The following PIP4K2C variants were observed in gnomAD, a reference collection of about 807,000 sequenced individuals.
PIP4K2C encodes phosphatidylinositol-5-phosphate 4-kinase type 2 gamma, also known as phosphatidylinositol 5-phosphate 4-kinase type-2 gamma.
Under a neutral mutation model 45.0 loss-of-function variants are expected in PIP4K2C, and 21 were observed. The observed-to-expected ratio is 0.47, with a 90% CI of 0.33 to 0.67. The LOEUF (loss-of-function observed/expected upper bound fraction) is 0.67, where lower values mean the gene tolerates loss of function less well. Ranked by LOEUF, PIP4K2C falls within the 30% of genes least tolerant of loss-of-function variation. PIP4K2C has a pLI of 0.02. For missense variants in PIP4K2C, 456 were observed against 542.8 expected, an observed-to-expected ratio of 0.84 and a Z score of 1.59; for synonymous variants, 201 against 204.8, an observed-to-expected ratio of 0.98 and a Z score of 0.16.
Position 57,595,885 on chromosome 12 carries a change from C to T in PIP4K2C, c.370-3C>T, listed in dbSNP as rs1438431436. On this transcript the variant is annotated splice_polypyrimidine_tract_variant and splice_region_variant and intron_variant, in intron 3 of 9. Coordinates refer to ENST00000354947, the MANE Select transcript of PIP4K2C (RefSeq NM_024779.5). ...AGAGCTCTGGCCTATTCTGTGTCCC[C>T]AGGTGTCCCTTACCCGAAACCCCCC... 3 of 1,613,906 alleles carry T rather than the reference C, an allele frequency of 1.9e-6. No individual in the cohort carries two copies. Among genetic ancestry groups the T allele is most frequent in the Non-Finnish European group, 1.7e-6 (2 of 1,179,946 alleles).
intron 4 of PIP4K2C, among the ~76,000 whole-genome samples, chr12:57,596,786 G>A (rs1468649977): frequency 6.6e-6 from 1 of 152,202 alleles, no homozygotes; most frequent in African/African-American, 2.4e-5. Context: ...CACACCGCAA[G>A]ATATATACAA....
In PIP4K2C at chr12:57,601,561, G is replaced by A; in HGVS notation, c.1221G>A (p.Gln407=). The A allele has an allele frequency of 6.2e-7, 1 of 1,613,558 alleles. No individual in the cohort carries two copies. Among genetic ancestry groups the A allele is most frequent in the Non-Finnish European group, 8.5e-7 (1 of 1,179,486 alleles). ...AGATCTCTACTGTCCATCCGGAGCA[G>A]TATGCTAAGCGATTCCTGGATTTTA... ...GAEISTVHPE[Q]YAKRFLDFIT... Residue 407 remains glutamine, a synonymous_variant, in exon 10 of 10, where the codon CAG becomes CAA. Transcript: ENST00000354947.
chr12:57,600,066 AAAAG>A (rs1455480589), intron 6 of PIP4K2C, among the ~76,000 whole-genome samples: 3 of 151,878 alleles, frequency 2.0e-5, no homozygotes, highest in Non-Finnish European at 4.4e-5. Flanking sequence ...AAAAAAAAAA[AAAAG>A]AGGAGAAAGA....
intron 9 of PIP4K2C, 87 bp from the exon 10 acceptor site, chr12:57,601,439 T>A (rs920093672): frequency 1.3e-6 from 2 of 1,527,454 alleles, no homozygotes; most frequent in African/African-American, 2.7e-5. Flanking sequence ...GGCAAAAGAA[T>A]GGAGGTGGTC....
intron 9 of PIP4K2C, 62 bp from the exon 10 acceptor site, chr12:57,601,464 T>C (rs1184421350): frequency 6.5e-7 from 1 of 1,537,646 alleles, no homozygotes; most frequent in African/African-American, 1.4e-5. Flanking sequence ...GTAGATTGGG[T>C]GGGGGTGATG....
Position 57,595,308 on chromosome 12 carries a change from A to T in PIP4K2C, c.369+86A>T. The T allele has an allele frequency of 3.4e-6, 3 of 870,822 alleles. No individual in the cohort carries two copies. The East Asian group carries it at 7.3e-5, about 21-fold the overall frequency. The allele number at this position is 870,822 out of a possible 1,614,324, so 53.9% of individuals were successfully genotyped here. On this transcript the variant is annotated intron_variant, in intron 3 of 9. Coordinates refer to ENST00000354947, the MANE Select transcript of PIP4K2C (RefSeq NM_024779.5). ...TGGGACAGCCATATTTGGAGAAATGAGAGTCTTGGCAAATATAATTCTTTA... is the reference window on the plus strand; with the variant it reads ...TGGGACAGCCATATTTGGAGAAATGTGAGTCTTGGCAAATATAATTCTTTA...
Position 57,595,162 on chromosome 12 carries a change from T to C in PIP4K2C, c.309T>C (p.Tyr103=), listed in dbSNP as rs368614405. The C allele has an allele frequency of 2.5e-6, 4 of 1,612,090 alleles. No individual in the cohort carries two copies. The highest frequency in any genetic ancestry group is 2.7e-5 in the African/African-American group (2 of 74,864). Residue 103 remains tyrosine (Y), a synonymous_variant, in exon 3 of 10, where the codon TAT becomes TAC. Transcript: ENST00000354947. ...CCAGTCATTTCAAGTTCAAGGAGTA[T>C]TGTCCCCAGGTCTTCAGGAACCTCC... ...NLPSHFKFKE[Y]CPQVFRNLRD...
rs370958816 is a variant in PIP4K2C at position 57,594,106 on chromosome 12, A to G, written c.256A>G (p.Asn86Asp). ...GGCCAGCTCCAAGATCAAGGTCAAC[A>G]ATCACCTTTTCCACAGGTAAGTGAT... ...FKASSKIKVNNHLFHRENLPS... is the reference protein window; with the variant it reads ...FKASSKIKVNDHLFHRENLPS... The change falls in exon 2 of 10, where the codon AAT becomes GAT. Residue 86 changes from asparagine (N) to aspartate (D), a missense_variant. Asn to Asp is a conservative substitution (Grantham distance 23). Transcript: ENST00000354947. 3.7e-6 allele frequency: 6 copies of G among 1,613,878 alleles called. No individual in the cohort carries two copies. Among genetic ancestry groups the G allele is most frequent in the Non-Finnish European group, 4.2e-6 (5 of 1,179,866 alleles).
At chr12:57,591,591 C>G (rs1413868729) in intron 1 of PIP4K2C, 128 bp downstream of exon 1, 2 of 1,084,776 alleles carry the variant, frequency 1.8e-6, no homozygotes, top group Non-Finnish European at 2.6e-6. Flanking sequence ...GTCTTGGTCC[C>G]TGCCCACCAA....
intron 7 of PIP4K2C, 91 bp from the exon 8 acceptor site, chr12:57,600,720 A>C: frequency 9.4e-6 from 14 of 1,483,506 alleles, no homozygotes; most frequent in Non-Finnish European, 1.2e-5. Flanking sequence ...TTTCCCCAGA[A>C]GGGCCCCAGA....
chr12:57,594,334 A>G (rs1490676295), intron 2 of PIP4K2C, among the ~76,000 whole-genome samples: 3 of 152,196 alleles, frequency 2.0e-5, no homozygotes, highest in Admixed American at 6.5e-5. Flanking sequence ...TCCATAGAGT[A>G]AATATGTACA....
intron 1 of PIP4K2C, among the ~76,000 whole-genome samples, chr12:57,591,855 C>G (rs1303207888): frequency 6.7e-6 from 1 of 149,184 alleles, no homozygotes; most frequent in African/African-American, 2.5e-5. Context: ...GGTGAGGGGC[C>G]GAGGGGAGTA....
chr12:57,592,472 T>G (rs1195738886), intron 1 of PIP4K2C, among the ~76,000 whole-genome samples: 1 of 152,236 alleles, frequency 6.6e-6, no homozygotes, highest in African/African-American at 2.4e-5. Context: ...AAAGAATTTC[T>G]TAACCAAAAA....
Position 57,595,253 on chromosome 12 carries a change from C to T in PIP4K2C, c.369+31C>T, listed in dbSNP as rs777068556. On this transcript the variant is annotated intron_variant, in intron 3 of 9. Transcript: ENST00000354947. ...AGTCCATTAAGGGGTGAGGGTAGCCCTTTCTCCCCAGCAACTGAGGAGTAC... is the reference window on the plus strand; with the variant it reads ...AGTCCATTAAGGGGTGAGGGTAGCCTTTTCTCCCCAGCAACTGAGGAGTAC... 25 of 1,411,198 alleles carry T rather than the reference C, an allele frequency of 1.8e-5. No homozygotes were observed. The South Asian group carries it at 2.8e-4, about 16-fold the overall frequency. 87.4% of individuals were successfully genotyped at this position (1,411,198 alleles called of 1,614,324 possible).
At chr12:57,601,469 G>A (rs771935685) in intron 9 of PIP4K2C, 57 bp from the exon 10 acceptor site, 4 of 1,549,532 alleles carry the variant, frequency 2.6e-6, no homozygotes, top group African/African-American at 2.7e-5. Context: ...TTGGGTGGGG[G>A]TGATGGGGAC....
chr12:57,593,928 C>CT, intron 1 of PIP4K2C, 97 bp from the exon 2 acceptor site: 1 of 759,610 alleles, frequency 1.3e-6, no homozygotes, highest in African/African-American at 1.7e-5. Context: ...GGAATGAGGT[C>CT]TGAGTGGCCC....
rs201266954 is a variant in PIP4K2C, at chr12:57,595,264, G to C, written c.369+42G>C. On this transcript the variant is annotated intron_variant, in intron 3 of 9. Transcript: ENST00000354947. ...GGGTGAGGGTAGCCCTTTCTCCCCA[G>C]CAACTGAGGAGTACTATTTGGGACA... 7 of 1,237,276 alleles carry C rather than the reference G, an allele frequency of 5.7e-6. No individual in the cohort carries two copies. In the East Asian group the frequency reaches 1.6e-4, roughly 29 times the overall value. 76.6% of individuals were successfully genotyped at this position (1,237,276 alleles called of 1,614,324 possible).
intron 4 of PIP4K2C, among the ~76,000 whole-genome samples, chr12:57,597,286 G>C (rs980426734): frequency 6.6e-6 from 1 of 152,194 alleles, no homozygotes; most frequent in African/African-American, 2.4e-5. Context: ...AAACAATGAA[G>C]GCCTGGGGGA....
chr12:57,599,534 A>C (rs1283287260), intron 6 of PIP4K2C, 96 bp downstream of exon 6: 1 of 1,300,446 alleles, frequency 7.7e-7, no homozygotes, highest in East Asian at 2.3e-5. Flanking sequence ...CTATATAGGA[A>C]TAGGGATTAC....
Sources: allele counts gnomAD v4.1 joint callset (sites outside exome capture counted in the v4.1 genomes callset), GRCh38; gene constraint gnomAD v4.1.1; transcripts MANE v1.5; gene names NCBI Gene and HGNC (gene_info 2026-07-23, HGNC 2026-07-21).